CCSER1: variants seen among roughly 807,000 people sequenced by gnomAD.
CCSER1 encodes serine-rich coiled-coil domain-containing protein 1.
CCSER1 carries 41 observed loss-of-function variants against 82.0 expected under a neutral mutation model. The observed-to-expected ratio is 0.50, with a 90% CI of 0.39 to 0.65. The LOEUF (loss-of-function observed/expected upper bound fraction) is 0.65. CCSER1 is among the 30% of genes least tolerant of loss of function. The probability of loss-of-function intolerance (pLI) is 0.00; values close to 1 mark genes in which losing one functional copy is unlikely to be tolerated. For synonymous variants in CCSER1, 414 were observed against 383.9 expected (o/e 1.08, Z -0.92); for missense variants, 1,119 against 1,064.2 (o/e 1.05, Z -0.72).
At chr4:91,352,750 A>G (rs1024748819) in intron 10 of CCSER1, among the ~76,000 whole-genome samples, 2 of 152,248 alleles carry the variant, frequency 1.3e-5, no homozygotes, top group Non-Finnish European at 2.9e-5. Context: ...TAACCATTTT[A>G]GAGACAATCC....
intron 10 of CCSER1, among the ~76,000 whole-genome samples, chr4:91,385,714 A>G (rs1483999739): frequency 6.6e-6 from 1 of 151,722 alleles, no homozygotes; most frequent in Non-Finnish European, 1.5e-5. Context: ...GGGGTAAGGG[A>G]AAAGTGGACA....
At chr4:90,353,694 A>T (rs892096466) in intron 3 of CCSER1, among the ~76,000 whole-genome samples, 1 of 152,170 alleles carries the variant, frequency 6.6e-6, no homozygotes, top group Non-Finnish European at 1.5e-5. Context: ...CCTTTGGAAC[A>T]ATAGGAGTCT....
intron 5 of CCSER1, among the ~76,000 whole-genome samples, chr4:90,531,678 TAG>T (rs780409552): frequency 2.0e-5 from 3 of 152,148 alleles, no homozygotes; most frequent in Non-Finnish European, 4.4e-5. Context: ...TACTTCAAAA[TAG>T]AGAGTTATTT....
Position 90,970,762 on chromosome 4 carries a change from T to C in CCSER1, c.2172+47315T>C, listed in dbSNP as rs931378868. Among the ~76,000 whole-genome samples, 42 of 151,838 alleles carry C rather than the reference T, an allele frequency of 2.8e-4. 1 individual carries two copies. Among genetic ancestry groups the C allele is most frequent in the Non-Finnish European group, 1.8e-4 (12 of 67,978 alleles). ...ATTTCTGACCACAATGGTATTAAAC[T>C]AGAAATCAATAAGAGGAAGAAAAAT... On this transcript the variant is annotated intron_variant, in intron 9 of 10. Transcript: ENST00000509176.
intron 9 of CCSER1, among the ~76,000 whole-genome samples, chr4:90,947,131 T>A (rs1263795333): frequency 1.3e-5 from 2 of 152,182 alleles, no homozygotes; most frequent in Non-Finnish European, 2.9e-5. Flanking sequence ...GCAAGTCACA[T>A]GATCACAGGT....
intron 5 of CCSER1, among the ~76,000 whole-genome samples, chr4:90,495,901 C>A (rs942824999): frequency 6.6e-6 from 1 of 152,046 alleles, no homozygotes; most frequent in African/African-American, 2.4e-5. Flanking sequence ...TTGCTTTTAC[C>A]ACAGAAAGAC....
intron 10 of CCSER1, among the ~76,000 whole-genome samples, chr4:91,448,612 G>A (rs987114829): frequency 1.3e-5 from 2 of 151,762 alleles, no homozygotes; most frequent in Non-Finnish European, 2.9e-5. Context: ...CAGGGTCCTT[G>A]GAATAATTTG....
In CCSER1 at chr4:90,308,883, C is replaced by G; in HGVS notation, c.599C>G (p.Ser200Cys). 1 of 1,613,870 alleles carries G rather than the reference C, an allele frequency of 6.2e-7. No individual in the cohort carries two copies. Among genetic ancestry groups the G allele is most frequent in the Non-Finnish European group, 8.5e-7 (1 of 1,179,836 alleles). Reference protein sequence around the residue: ...KFSKPVLQSQSISLVQQSEFS... With the variant: ...KFSKPVLQSQCISLVQQSEFS... ...TCTAAGCCAGTTCTACAGAGCCAAT[C>G]CATTTCATTGGTACAACAGTCTGAA... Residue 200 changes from serine (S) to cysteine (C), a missense_variant, in exon 2 of 11, where the codon TCC becomes TGC. Transcript: ENST00000509176.
chr4:91,369,175 G>T (rs1009677115), intron 10 of CCSER1, among the ~76,000 whole-genome samples: 4 of 152,168 alleles, frequency 2.6e-5, no homozygotes, highest in Non-Finnish European at 5.9e-5. Context: ...GCTCAGCAGA[G>T]GAGTTAATGG....
At chr4:90,994,288 C>T (rs1015976853) in intron 9 of CCSER1, among the ~76,000 whole-genome samples, 44 of 152,092 alleles carry the variant, frequency 2.9e-4, no homozygotes, top group Admixed American at 2.5e-3. Context: ...TCTAGCCTAA[C>T]TACAAATGTG....
chr4:91,547,520 G>A (rs1761950326), intron 10 of CCSER1, among the ~76,000 whole-genome samples: 1 of 152,008 alleles, frequency 6.6e-6, no homozygotes, highest in Non-Finnish European at 1.5e-5. Context: ...ATCAGTATTG[G>A]CATAGTATAC....
chr4:90,556,910 A>G (rs1014670120), intron 5 of CCSER1, among the ~76,000 whole-genome samples: 6 of 151,844 alleles, frequency 4.0e-5, no homozygotes, highest in African/African-American at 1.4e-4. Flanking sequence ...ATTTCAGTGA[A>G]TTAATCAGAA....
chr4:91,019,712 C>T (rs1370885380), intron 9 of CCSER1, among the ~76,000 whole-genome samples: 1 of 152,232 alleles, frequency 6.6e-6, no homozygotes, highest in East Asian at 1.9e-4. Context: ...AGGCATATTA[C>T]ATGGACTTTA....
intron 10 of CCSER1, among the ~76,000 whole-genome samples, chr4:91,381,671 T>C (rs1750907422): frequency 6.6e-6 from 1 of 152,150 alleles, no homozygotes; most frequent in Non-Finnish European, 1.5e-5. Context: ...GTTTTTAGCT[T>C]CTTTGTGATG....
chr4:91,523,231 A>G (rs1304183788), intron 10 of CCSER1, among the ~76,000 whole-genome samples: 1 of 152,200 alleles, frequency 6.6e-6, no homozygotes, highest in Non-Finnish European at 1.5e-5. Flanking sequence ...AGCTGACTTG[A>G]TCATGGTGGA....
intron 7 of CCSER1, among the ~76,000 whole-genome samples, chr4:90,803,102 T>C (rs143751335): frequency 7.3e-4 from 111 of 152,282 alleles, no homozygotes; most frequent in African/African-American, 2.4e-3. Context: ...TCAAACTTGA[T>C]GTGTTTGAGA....
intron 3 of CCSER1, among the ~76,000 whole-genome samples, chr4:90,345,750 T>G (rs1742198579): frequency 6.6e-6 from 1 of 152,178 alleles, no homozygotes; most frequent in South Asian, 2.1e-4. Flanking sequence ...TCTCTTAGAT[T>G]AATTCAATAG....
At chr4:90,683,352 A>C (rs1734233032) in intron 6 of CCSER1, among the ~76,000 whole-genome samples, 1 of 152,084 alleles carries the variant, frequency 6.6e-6, no homozygotes, top group African/African-American at 2.4e-5. Context: ...ATCCTGTCTT[A>C]AAGAGCTCAA....
intron 7 of CCSER1, among the ~76,000 whole-genome samples, chr4:90,725,569 T>C (rs1375211322): frequency 6.6e-6 from 1 of 151,490 alleles, no homozygotes; most frequent in Admixed American, 6.6e-5. Flanking sequence ...TATAAAATTA[T>C]CCCACTAGTG....
Sources: gnomAD v4.1 joint callset for allele counts (sites outside exome capture counted in the v4.1 genomes callset) on GRCh38, gnomAD v4.1.1 for gene constraint, MANE v1.5 for transcripts, NCBI Gene and HGNC (gene_info 2026-07-23, HGNC 2026-07-21) for gene names.